The following XYLB variants were observed in gnomAD, a reference collection of about 807,000 sequenced individuals.
XYLB encodes the protein xylulokinase.
Under a neutral mutation model 78.7 loss-of-function variants are expected in XYLB, and 62 were observed. The ratio of observed to expected loss-of-function variants is 0.79; its 90% CI spans 0.64 to 0.97. XYLB has a LOEUF of 0.97. Among genes scored for constraint, XYLB ranks in the 50% least tolerant of loss-of-function variants. XYLB has a pLI of 0.00. For missense variants in XYLB, 687 were observed against 676.8 expected, an observed-to-expected ratio of 1.02 and a Z score of -0.17; for synonymous variants, 245 against 247.4, an observed-to-expected ratio of 0.99 and a Z score of 0.09.
intron 18 of XYLB, among the ~76,000 whole-genome samples, chr3:38,403,086 C>T (rs1015151674): frequency 6.6e-6 from 1 of 151,922 alleles, no homozygotes; most frequent in South Asian, 2.1e-4. Context: ...TGCTTGAGCC[C>T]AGGAGTTCGA....
chr3:38,353,783 A>G (rs1423179132), intron 2 of XYLB, among the ~76,000 whole-genome samples: 1 of 148,938 alleles, frequency 6.7e-6, no homozygotes, highest in African/African-American at 2.5e-5. Flanking sequence ...GCTACTTGGG[A>G]GGCTGAGGCA....
chr3:38,452,215 A>G, the XYLB span: 1 of 152,218 alleles, frequency 6.6e-6, no homozygotes, highest in Admixed American at 6.5e-5. Flanking sequence ...TCCTGTGTTA[A>G]ATGGCTTAGA....
chr3:38,431,602 T>G, the XYLB span, among the ~76,000 whole-genome samples: 1 of 152,334 alleles, frequency 6.6e-6, no homozygotes, highest in Non-Finnish European at 1.5e-5. Context: ...ATAGGAGTGG[T>G]GAGAGAGGGC....
At chr3:38,365,475 A>T in intron 5 of XYLB, 133 bp from the exon 6 acceptor site, 1 of 1,476,764 alleles carries the variant, frequency 6.8e-7, no homozygotes, top group Non-Finnish European at 9.2e-7. Context: ...GGGCTGGCCC[A>T]TGTGTCTCCA....
At chr3:38,363,449 A>ACT (rs1553651786) in intron 4 of XYLB, among the ~76,000 whole-genome samples, 1 of 151,994 alleles carries the variant, frequency 6.6e-6, no homozygotes, top group Non-Finnish European at 1.5e-5. Flanking sequence ...ACATTGACTG[A>ACT]GCACTTAGTG....
the XYLB span, among the ~76,000 whole-genome samples, chr3:38,438,609 C>A: frequency 3.3e-5 from 5 of 152,210 alleles, no homozygotes; most frequent in Non-Finnish European, 7.3e-5. Flanking sequence ...AAGAATGAAG[C>A]TGCGGACCTT....
the XYLB span, among the ~76,000 whole-genome samples, chr3:38,442,143 A>G: frequency 7.0e-3 from 1,062 of 152,280 alleles, 7 homozygotes; most frequent in African/African-American, 0.025. Context: ...AGGACAAGCC[A>G]GTATAGGCTG....
At chr3:38,446,311 G>A in the XYLB span, among the ~76,000 whole-genome samples, 107,683 of 151,942 alleles carry the variant, frequency 0.71, 38,563 homozygotes, top group African/African-American at 0.81. Flanking sequence ...ACATTTTACA[G>A]ACTTCTAGGT....
intron 18 of XYLB, among the ~76,000 whole-genome samples, chr3:38,409,957 C>T (rs966130693): frequency 2.6e-5 from 4 of 152,144 alleles, no homozygotes; most frequent in South Asian, 2.1e-4. Context: ...GGCCATACTG[C>T]CCAAGGTAAT....
At chr3:38,411,315 G>A (rs1057441837) in intron 18 of XYLB, among the ~76,000 whole-genome samples, 1 of 151,970 alleles carries the variant, frequency 6.6e-6, no homozygotes, top group African/African-American at 2.4e-5. Flanking sequence ...TCACTCATAG[G>A]TGGGAATTGA....
intron 18 of XYLB, among the ~76,000 whole-genome samples, chr3:38,409,967 T>G (rs191212930): frequency 6.6e-6 from 1 of 152,298 alleles, no homozygotes; most frequent in East Asian, 1.9e-4. Context: ...CCCAAGGTAA[T>G]TTATAGATTC....
rs1318993882 is a variant in XYLB, at chr3:38,366,865, C to A, written c.565C>A (p.His189Asn). ...CCAGCAGAACCCCGAGGCCTACTCA[C>A]ATACGGAGGTTGGTTAAATGTTCCT... is the stretch of plus-strand genomic sequence containing the variant. ...IYQQNPEAYS[H>N]TERISLVSSF... The change falls in exon 7 of 19, where the codon CAT (histidine) becomes AAT (asparagine). Residue 189 changes from histidine (H) to asparagine (N), a missense_variant. Transcript: ENST00000207870. The A allele has an allele frequency of 5.0e-6, 8 of 1,610,604 alleles. No homozygotes were observed. Among genetic ancestry groups the A allele is most frequent in the Non-Finnish European group, 6.8e-6 (8 of 1,176,986 alleles).
At chr3:38,403,306 A>G (rs1708189510) in intron 18 of XYLB, among the ~76,000 whole-genome samples, 1 of 151,244 alleles carries the variant, frequency 6.6e-6, no homozygotes, top group African/African-American at 2.4e-5. Context: ...AAAAAAAAAA[A>G]GTTACTAATA....
intron 6 of XYLB, 51 bp downstream of exon 6, chr3:38,365,787 G>T (rs1383735715): frequency 6.4e-7 from 1 of 1,554,612 alleles, no homozygotes; most frequent in South Asian, 1.2e-5. Context: ...GCAAGCTCCG[G>T]AGGCATAGTG....
the XYLB span, among the ~76,000 whole-genome samples, chr3:38,432,394 C>T: frequency 6.6e-6 from 1 of 151,958 alleles, no homozygotes; most frequent in Admixed American, 6.6e-5. Context: ...TGGTGAAATC[C>T]CATCTCTACT....
At chr3:38,404,695 G>A (rs1326018521) in intron 18 of XYLB, among the ~76,000 whole-genome samples, 2 of 152,144 alleles carry the variant, frequency 1.3e-5, no homozygotes, top group African/African-American at 4.8e-5. Flanking sequence ...GTGTGGTGGT[G>A]CACACCTGTA....
chr3:38,423,439 G>A (rs1017590065), downstream of XYLB, among the ~76,000 whole-genome samples: 1 of 152,126 alleles, frequency 6.6e-6, no homozygotes, highest in African/African-American at 2.4e-5. Flanking sequence ...CCATTAATTC[G>A]GTTAGACAAC....
chr3:38,401,120 T>C, intron 18 of XYLB, 135 bp downstream of exon 18: 4 of 763,762 alleles, frequency 5.2e-6, no homozygotes, highest in Non-Finnish European at 4.3e-6. Flanking sequence ...ATTGAAATTA[T>C]CAAGAAAATG....
At chr3:38,388,898 C>A (rs151614) in intron 15 of XYLB, among the ~76,000 whole-genome samples, 73,524 of 151,786 alleles carry the variant, frequency 0.48, 18,107 homozygotes, top group Middle Eastern at 0.61. Context: ...TTAAGGCATA[C>A]TTCCTTTATT....
Sources: allele counts gnomAD v4.1 joint callset (sites outside exome capture counted in the v4.1 genomes callset), GRCh38; gene constraint gnomAD v4.1.1; transcripts MANE v1.5; gene names NCBI Gene and HGNC (gene_info 2026-07-23, HGNC 2026-07-21).